Variants in CCDC175 observed in about 807,000 individuals in gnomAD.
CCDC175 encodes coiled-coil domain-containing protein 175.
Under a neutral mutation model 114.6 loss-of-function variants are expected in CCDC175, and 100 were observed. The observed-to-expected ratio is 0.87, with a 90% CI of 0.74 to 1.03. The LOEUF (loss-of-function observed/expected upper bound fraction) is 1.03, where lower values mean the gene tolerates loss of function less well. Among genes scored for constraint, CCDC175 ranks in the 50% least tolerant of loss-of-function variants. CCDC175 has a pLI of 0.00. For synonymous variants in CCDC175, 306 were observed against 308.7 expected, an observed-to-expected ratio of 0.99 and a Z score of 0.09; for missense variants, 880 against 917.8, an observed-to-expected ratio of 0.96 and a Z score of 0.53.
rs1051089897 is a variant in CCDC175, at chr14:59,572,792, T to C, written c.265A>G (p.Ile89Val). The change falls in exon 3 of 20, where the codon ATC becomes GTC. Residue 89 changes from isoleucine to valine, a missense_variant. Ile to Val is a conservative substitution (Grantham distance 29, BLOSUM62 3). Coordinates refer to ENST00000537690, the MANE Select transcript of CCDC175 (RefSeq NM_001164399.2). ...KKLEEMRKAT[I>V]DLLEIESMEL... ...ATGCTTTCAATCTCCAAAAGATCGA[T>C]TGTGGCTTTTCTCATTTCTTCCTGA... The C allele has an allele frequency of 1.5e-5, 23 of 1,510,924 alleles. No individual in the cohort carries two copies. The highest frequency in any genetic ancestry group is 2.0e-5 in the Non-Finnish European group (23 of 1,139,884). The allele number at this position is 1,510,924 out of a possible 1,614,324, so 93.6% of individuals were successfully genotyped here.
At chr14:59,513,385 A>G (rs1368527756) in intron 17 of CCDC175, among the ~76,000 whole-genome samples, 1 of 149,234 alleles carries the variant, frequency 6.7e-6, no homozygotes, top group Admixed American at 6.6e-5. Flanking sequence ...TCACCTGGGA[A>G]GTGGAAGGGG....
chr14:59,564,952 T>C (rs1474736683), intron 5 of CCDC175, 95 bp downstream of exon 5: 2 of 945,046 alleles, frequency 2.1e-6, no homozygotes, highest in African/African-American at 3.3e-5. Context: ...CCACAGAGGC[T>C]GCTTGCCAGC....
intron 3 of CCDC175, among the ~76,000 whole-genome samples, chr14:59,570,685 C>T (rs966372546): frequency 3.9e-5 from 6 of 152,042 alleles, no homozygotes; most frequent in Admixed American, 6.6e-5. Flanking sequence ...ATCATGAATG[C>T]GGGTGGCAGG....
At chr14:59,518,427 CA>C (rs1893231877) in intron 17 of CCDC175, among the ~76,000 whole-genome samples, 1 of 152,082 alleles carries the variant, frequency 6.6e-6, no homozygotes, top group Non-Finnish European at 1.5e-5. Flanking sequence ...ACTCATCTGA[CA>C]AAGGGCTAAT....
At chr14:59,547,323 G>C (rs1016145357) in intron 8 of CCDC175, among the ~76,000 whole-genome samples, 14 of 152,166 alleles carry the variant, frequency 9.2e-5, no homozygotes, top group Non-Finnish European at 1.9e-4. Context: ...CTGATTTACA[G>C]ATTTAACACA....
chr14:59,576,370 C>T (rs568914557), intron 1 of CCDC175, among the ~76,000 whole-genome samples: 1 of 152,160 alleles, frequency 6.6e-6, no homozygotes, highest in Non-Finnish European at 1.5e-5. Flanking sequence ...GGATTTGTCA[C>T]CTCAGTAATT....
chr14:59,530,114 T>C (rs570269524), intron 14 of CCDC175, among the ~76,000 whole-genome samples: 34 of 152,090 alleles, frequency 2.2e-4, no homozygotes, highest in Admixed American at 1.8e-3. Context: ...CTCATGCCTA[T>C]AATCCCAGCA....
At chr14:59,539,389 C>G (rs1328272420) in intron 11 of CCDC175, among the ~76,000 whole-genome samples, 2 of 151,904 alleles carry the variant, frequency 1.3e-5, no homozygotes, top group East Asian at 3.9e-4. Context: ...ACCAGCCTGC[C>G]CAACATGGAG....
At chr14:59,552,016 T>G (rs1313134067) in intron 7 of CCDC175, among the ~76,000 whole-genome samples, 1 of 152,256 alleles carries the variant, frequency 6.6e-6, no homozygotes, top group South Asian at 2.1e-4. Flanking sequence ...GAGGACTGCC[T>G]GCCTCTGTAG....
chr14:59,545,098 T>A (rs1011554219), intron 9 of CCDC175, 65 bp downstream of exon 9: 10 of 1,440,446 alleles, frequency 6.9e-6, no homozygotes, highest in Non-Finnish European at 8.3e-6. Flanking sequence ...AGCCACCACT[T>A]TGATAGCAAG....
intron 17 of CCDC175, 24 bp from the exon 18 acceptor site, chr14:59,511,827 C>G (rs1892771800): frequency 1.4e-6 from 2 of 1,467,366 alleles, no homozygotes; most frequent in Admixed American, 2.0e-5. Flanking sequence ...TTAAAAAATA[C>G]AATGGTTACT....
intron 13 of CCDC175, among the ~76,000 whole-genome samples, chr14:59,534,875 G>C (rs1894302238): frequency 6.6e-6 from 1 of 152,180 alleles, no homozygotes; most frequent in African/African-American, 2.4e-5. Context: ...ATTCAGGGCT[G>C]TTTTCCTTAG....
intron 7 of CCDC175, among the ~76,000 whole-genome samples, chr14:59,552,093 C>T (rs1031642335): frequency 7.9e-5 from 12 of 152,226 alleles, no homozygotes; most frequent in Non-Finnish European, 1.8e-4. Context: ...ATTTAAACGT[C>T]CATGTCTGAC....
intron 10 of CCDC175, among the ~76,000 whole-genome samples, chr14:59,542,728 A>G (rs1894860087): frequency 6.6e-6 from 1 of 152,134 alleles, no homozygotes; most frequent in African/African-American, 2.4e-5. Context: ...AATAGTACAA[A>G]GAATTCCCAT....
intron 14 of CCDC175, among the ~76,000 whole-genome samples, chr14:59,529,356 A>G (rs1893932323): frequency 6.6e-6 from 1 of 152,166 alleles, no homozygotes; most frequent in South Asian, 2.1e-4. Flanking sequence ...CATCTGGTCC[A>G]GTTTCTTTTG....
intron 19 of CCDC175, among the ~76,000 whole-genome samples, chr14:59,509,730 G>T (rs533050122): frequency 1.3e-5 from 2 of 152,020 alleles, no homozygotes; most frequent in African/African-American, 4.8e-5. Context: ...GGCTGGTCTC[G>T]AACACTTGGT....
At chr14:59,542,158 T>C (rs1009995693) in intron 10 of CCDC175, among the ~76,000 whole-genome samples, 4 of 152,184 alleles carry the variant, frequency 2.6e-5, no homozygotes, top group Non-Finnish European at 4.4e-5. Context: ...CACAGAAAAA[T>C]CTGACTTGCT....
Position 59,543,374 on chromosome 14 carries a change from T to TC in CCDC175, c.1252dup (p.Glu418GlyfsTer27). On this transcript the variant is annotated frameshift_variant, in exon 10 of 20. Transcript: ENST00000537690. LOFTEE classifies it high-confidence loss of function. ...AAGTTCCTGGAGTGTGATGAGTCCT[T>TC]CTTCCATATTTTTGATGTCTACTCT... The TC allele has an allele frequency of 2.7e-6, 4 of 1,463,296 alleles. No individual in the cohort carries two copies. The highest frequency in any genetic ancestry group is 3.6e-6 in the Non-Finnish European group (4 of 1,096,480). 90.6% of individuals were successfully genotyped at this position (1,463,296 alleles called of 1,614,324 possible). A position where few individuals can be genotyped will look rare whatever the true frequency, so the allele number is the denominator to read the frequency against.
intron 13 of CCDC175, among the ~76,000 whole-genome samples, chr14:59,533,876 C>A (rs2140013375): frequency 6.6e-6 from 1 of 151,710 alleles, no homozygotes; most frequent in East Asian, 1.9e-4. Context: ...GTAGTCCCAG[C>A]TACTTGGGAG....
Sources: allele counts gnomAD v4.1 joint callset (sites outside exome capture counted in the v4.1 genomes callset), GRCh38; gene constraint gnomAD v4.1.1; transcripts MANE v1.5; gene names NCBI Gene and HGNC (gene_info 2026-07-23, HGNC 2026-07-21).